ANKRD44: variants seen among roughly 807,000 people sequenced by gnomAD.
ANKRD44 encodes ankyrin repeat domain 44.
A neutral mutation model predicts 116.0 loss-of-function variants in ANKRD44; 35 were observed. The observed-to-expected ratio is 0.30, with a 90% CI of 0.23 to 0.40. The LOEUF (loss-of-function observed/expected upper bound fraction) is 0.40, where lower values mean the gene tolerates loss of function less well. ANKRD44 is among the 10% of genes least tolerant of loss of function. The pLI, the probability that ANKRD44 is intolerant of heterozygous loss-of-function variation, is 1.00. For missense variants in ANKRD44, 1,014 were observed against 1,242.6 expected (o/e 0.82, Z 2.77); for synonymous variants, 435 against 461.8 (o/e 0.94, Z 0.74).
At chr2:197,194,913 CTG>C (rs1026778949) in intron 1 of ANKRD44, among the ~76,000 whole-genome samples, 2 of 152,126 alleles carry the variant, frequency 1.3e-5, no homozygotes, top group African/African-American at 2.4e-5. Flanking sequence ...AAGGATGAGA[CTG>C]GGGACTGGAG....
In ANKRD44 at chr2:197,194,745, G is replaced by T. The variant is rs182590462; in HGVS notation, c.28-7639C>A. Reference sequence around the variant, plus strand: ...CCAAATGCATATACATAGATAGATAGATAGATATAGATATAATTCCTTGCA... The same window carrying T: ...CCAAATGCATATACATAGATAGATATATAGATATAGATATAATTCCTTGCA... On this transcript the variant is annotated intron_variant, in intron 1 of 27. Transcript: ENST00000282272. 5.3e-5 allele frequency among the ~76,000 whole-genome samples: 8 copies of T among 152,280 alleles called. No individual in the cohort carries two copies. The East Asian group carries it at 1.3e-3, about 26-fold the overall frequency.
downstream of ANKRD44, among the ~76,000 whole-genome samples, chr2:196,984,911 C>T (rs73066830): frequency 0.08 from 12,225 of 152,220 alleles, 520 homozygotes; most frequent in South Asian, 0.1. Context: ...TTGGGGAATC[C>T]CTTGCCCTTG....
chr2:197,254,259 G>A (rs549541923), intron 1 of ANKRD44, among the ~76,000 whole-genome samples: 34 of 152,220 alleles, frequency 2.2e-4, no homozygotes, highest in East Asian at 2.1e-3. Context: ...CGGGCGTGGC[G>A]GTGGGTGCCT....
At chr2:197,052,849 A>C (rs898241326) in intron 16 of ANKRD44, among the ~76,000 whole-genome samples, 10 of 152,132 alleles carry the variant, frequency 6.6e-5, no homozygotes, top group African/African-American at 2.4e-4. Context: ...TTTTAAAAAT[A>C]ATTTCCTGTT....
At chr2:197,072,160 A>AT (rs142771134) in intron 16 of ANKRD44, among the ~76,000 whole-genome samples, 6,062 of 152,012 alleles carry the variant, frequency 0.04, 162 homozygotes, top group Middle Eastern at 0.082. Flanking sequence ...AGATTAACTT[A>AT]TTTTTTTGGT....
At chr2:196,999,309 T>C (rs887293905) in intron 23 of ANKRD44, among the ~76,000 whole-genome samples, 4 of 152,164 alleles carry the variant, frequency 2.6e-5, no homozygotes, top group Admixed American at 6.5e-5. Context: ...TACTGACTCT[T>C]TAATCTTAAG....
At chr2:197,051,378 G>C (rs1231826217) in intron 16 of ANKRD44, among the ~76,000 whole-genome samples, 1 of 151,998 alleles carries the variant, frequency 6.6e-6, no homozygotes, top group Non-Finnish European at 1.5e-5. Flanking sequence ...GGTTAAATCA[G>C]AATACATCTT....
intron 18 of ANKRD44, among the ~76,000 whole-genome samples, chr2:197,011,534 G>T (rs954730485): frequency 6.6e-6 from 1 of 150,866 alleles, no homozygotes; most frequent in East Asian, 2.0e-4. Context: ...GTGCAGTGGC[G>T]TGAACTCGGC....
At chr2:197,130,419 A>G (rs2079069276) in intron 4 of ANKRD44, among the ~76,000 whole-genome samples, 1 of 152,256 alleles carries the variant, frequency 6.6e-6, no homozygotes, top group African/African-American at 2.4e-5. Context: ...AAGTATGACC[A>G]GTGTTTAATC....
chr2:197,068,105 G>A (rs1392694280), intron 16 of ANKRD44, among the ~76,000 whole-genome samples: 3 of 118,814 alleles, frequency 2.5e-5, no homozygotes, highest in East Asian at 2.5e-4. Flanking sequence ...GTAAACTATC[G>A]CAAGAACAAA....
chr2:197,118,637 G>GAGAGAGAGAGAGAGAA (rs773839262), intron 8 of ANKRD44, among the ~76,000 whole-genome samples: 2 of 112,358 alleles, frequency 1.8e-5, no homozygotes, highest in African/African-American at 6.7e-5. Flanking sequence ...GAGAGAGAGA[G>GAGAGAGAGAGAGAGAA]AGAAAGAAAG....
At chr2:197,083,909 T>C (rs570723221) in intron 13 of ANKRD44, among the ~76,000 whole-genome samples, 57 of 152,294 alleles carry the variant, frequency 3.7e-4, no homozygotes, top group African/African-American at 1.2e-3. Flanking sequence ...CCATCTACCA[T>C]GGATCTGTCC....
chr2:197,076,853 G>A (rs570844088), intron 16 of ANKRD44, among the ~76,000 whole-genome samples: 65 of 152,264 alleles, frequency 4.3e-4, no homozygotes, highest in African/African-American at 1.5e-3. Context: ...TTTTATGGCT[G>A]CATAGTATTC....
At chr2:197,284,249 C>T (rs1574441435) in intron 1 of ANKRD44, among the ~76,000 whole-genome samples, 2 of 152,168 alleles carry the variant, frequency 1.3e-5, no homozygotes, top group South Asian at 4.1e-4. Context: ...ATGAGGGTCA[C>T]TCCCGCCTCT....
chr2:197,158,694 T>A (rs2697252), intron 2 of ANKRD44, among the ~76,000 whole-genome samples: 139,132 of 152,126 alleles, frequency 0.91, 64,825 homozygotes, highest in East Asian at 1. Context: ...AAACTTAACC[T>A]GGAAGGGCAT....
At chr2:197,222,374 A>C (rs1204076730) in intron 1 of ANKRD44, among the ~76,000 whole-genome samples, 1 of 152,188 alleles carries the variant, frequency 6.6e-6, no homozygotes, top group Admixed American at 6.5e-5. Flanking sequence ...ATGGGAACTA[A>C]ATATTCTCTT....
chr2:197,250,203 G>A (rs749918879), intron 1 of ANKRD44, among the ~76,000 whole-genome samples: 3 of 152,182 alleles, frequency 2.0e-5, no homozygotes, highest in Non-Finnish European at 4.4e-5. Context: ...AGCCTTGGTT[G>A]TTGGCAGCCA....
At position 197,005,776 on chromosome 2, in the gene ANKRD44, C is replaced by G; in HGVS notation, c.2265G>C (p.Leu755=). 1 of 1,614,206 alleles carries G rather than the reference C, an allele frequency of 6.2e-7. No homozygotes were observed. Among genetic ancestry groups the G allele is most frequent in the Non-Finnish European group, 8.5e-7 (1 of 1,180,030 alleles). The change falls in exon 21 of 28, where the codon CTG becomes CTC. Residue 755 remains leucine, a synonymous_variant. Coordinates refer to ENST00000282272, the MANE Select transcript of ANKRD44 (RefSeq NM_001195144.2). ...ARGHATWLSE[L]LQMALSEEDC... is the part of the protein sequence containing the mutation. Reference sequence around the variant, plus strand: ...CCTCCTCAGAAAGAGCCATTTGGAGCAGCTCGCTCAGCCACGTGGCGTGGC... The same window carrying G: ...CCTCCTCAGAAAGAGCCATTTGGAGGAGCTCGCTCAGCCACGTGGCGTGGC...
intron 1 of ANKRD44, among the ~76,000 whole-genome samples, chr2:197,220,339 C>T (rs528421654): frequency 6.6e-6 from 1 of 152,270 alleles, no homozygotes; most frequent in East Asian, 1.9e-4. Flanking sequence ...GTTAGACTAG[C>T]CACTATGATG....
Sources: gnomAD v4.1 joint callset for allele counts (sites outside exome capture counted in the v4.1 genomes callset) on GRCh38, gnomAD v4.1.1 for gene constraint, MANE v1.5 for transcripts, NCBI Gene and HGNC (gene_info 2026-07-23, HGNC 2026-07-21) for gene names.